KCNQ5: variants seen among roughly 807,000 people sequenced by gnomAD.
The protein encoded by KCNQ5 is potassium voltage-gated channel subfamily KQT member 5.
In KCNQ5, 30 loss-of-function variants were observed where a neutral mutation model predicts 98.2. The observed-to-expected ratio is 0.31, with a 90% CI of 0.23 to 0.41. The LOEUF (loss-of-function observed/expected upper bound fraction) is 0.41. KCNQ5 is among the 10% of genes least tolerant of loss of function. KCNQ5 has a pLI of 1.00. For synonymous variants in KCNQ5, 458 were observed against 449.4 expected, an observed-to-expected ratio of 1.02 and a Z score of -0.24; for missense variants, 835 against 1,182.5, an observed-to-expected ratio of 0.71 and a Z score of 4.31.
chr6:72,838,622 T>A (rs1776620919), intron 1 of KCNQ5, among the ~76,000 whole-genome samples: 1 of 152,108 alleles, frequency 6.6e-6, no homozygotes, highest in Non-Finnish European at 1.5e-5. Flanking sequence ...CTTATAAATG[T>A]TATTATATAT....
intron 2 of KCNQ5, among the ~76,000 whole-genome samples, chr6:73,034,839 CTTT>C (rs71669816): frequency 0.032 from 3,642 of 113,552 alleles, 138 homozygotes; most frequent in African/African-American, 0.11. Context: ...TGCCTCTTTT[CTTT>C]TTTTTTTTTT....
chr6:73,061,094 A>G (rs1582278582), intron 3 of KCNQ5, among the ~76,000 whole-genome samples: 1 of 152,210 alleles, frequency 6.6e-6, no homozygotes, highest in East Asian at 1.9e-4. Context: ...CTTTCTGCAC[A>G]GCTACAGAAG....
At chr6:72,715,758 A>G (rs1014264356) in intron 1 of KCNQ5, among the ~76,000 whole-genome samples, 1 of 152,236 alleles carries the variant, frequency 6.6e-6, no homozygotes, top group African/African-American at 2.4e-5. Context: ...TGATAATTAG[A>G]GAAATTCAAT....
chr6:73,102,558 T>C (rs1774829313), intron 5 of KCNQ5, among the ~76,000 whole-genome samples: 1 of 151,858 alleles, frequency 6.6e-6, no homozygotes, highest in Non-Finnish European at 1.5e-5. Context: ...AATAAAATAA[T>C]CCAATTTTAA....
intron 1 of KCNQ5, among the ~76,000 whole-genome samples, chr6:72,871,957 G>T (rs1040967454): frequency 6.6e-6 from 1 of 152,124 alleles, no homozygotes; most frequent in African/African-American, 2.4e-5. Flanking sequence ...CCTCTTCCAG[G>T]ATAGGAGGCT....
chr6:72,702,081 G>T (rs763252838), intron 1 of KCNQ5, among the ~76,000 whole-genome samples: 2 of 152,056 alleles, frequency 1.3e-5, no homozygotes, highest in Non-Finnish European at 2.9e-5. Context: ...TAGAGAGAAT[G>T]CTCAACTAAA....
intron 1 of KCNQ5, among the ~76,000 whole-genome samples, chr6:72,885,976 T>C (rs945840216): frequency 1.3e-5 from 2 of 152,100 alleles, no homozygotes; most frequent in Non-Finnish European, 2.9e-5. Context: ...ATCTGTGTGT[T>C]CCCCCAAACC....
chr6:72,674,241 C>T (rs1039481543), intron 1 of KCNQ5, among the ~76,000 whole-genome samples: 1 of 151,006 alleles, frequency 6.6e-6, no homozygotes, highest in East Asian at 1.9e-4. Flanking sequence ...GAAATTATTT[C>T]CCATTTTTCC....
chr6:72,662,733 G>A (rs1678810727), intron 1 of KCNQ5, among the ~76,000 whole-genome samples: 1 of 152,132 alleles, frequency 6.6e-6, no homozygotes, highest in African/African-American at 2.4e-5. Context: ...TTAGGAGATT[G>A]CTTTGTTGTG....
At chr6:72,865,345 C>A (rs925672015) in intron 1 of KCNQ5, among the ~76,000 whole-genome samples, 1 of 152,108 alleles carries the variant, frequency 6.6e-6, no homozygotes, top group African/African-American at 2.4e-5. Flanking sequence ...GCAGTCTGGG[C>A]CAAAATACAG....
At chr6:72,732,735 T>C (rs964226577) in intron 1 of KCNQ5, among the ~76,000 whole-genome samples, 4 of 152,100 alleles carry the variant, frequency 2.6e-5, no homozygotes, top group Non-Finnish European at 5.9e-5. Context: ...ACAGTGAGAA[T>C]GGGTTGGAGG....
chr6:72,667,165 T>C (rs1766865178), intron 1 of KCNQ5, among the ~76,000 whole-genome samples: 1 of 152,206 alleles, frequency 6.6e-6, no homozygotes. Context: ...TTCAGTTGCC[T>C]TTACAACAAA....
chr6:72,853,335 T>A (rs1040082492), intron 1 of KCNQ5, among the ~76,000 whole-genome samples: 1 of 152,134 alleles, frequency 6.6e-6, no homozygotes, highest in African/African-American at 2.4e-5. Flanking sequence ...ATACTGAACA[T>A]TTCTTTCCTT....
chr6:73,044,921 A>C (rs926905605), intron 3 of KCNQ5, among the ~76,000 whole-genome samples: 1 of 152,218 alleles, frequency 6.6e-6, no homozygotes, highest in Non-Finnish European at 1.5e-5. Context: ...ATTCGAGAAA[A>C]GAACATAGAA....
chr6:72,831,695 T>C (rs1463760361), intron 1 of KCNQ5, among the ~76,000 whole-genome samples: 2 of 151,120 alleles, frequency 1.3e-5, no homozygotes, highest in Non-Finnish European at 2.9e-5. Context: ...AACCTGCACA[T>C]TGTGCACATG....
chr6:73,111,757 G>A (rs1352859448), intron 7 of KCNQ5, among the ~76,000 whole-genome samples: 1 of 152,188 alleles, frequency 6.6e-6, no homozygotes, highest in East Asian at 1.9e-4. Context: ...GAGCAGAACA[G>A]GGCATTGTTC....
At chr6:72,872,029 T>C (rs368678939) in intron 1 of KCNQ5, among the ~76,000 whole-genome samples, 9 of 152,098 alleles carry the variant, frequency 5.9e-5, no homozygotes, top group Non-Finnish European at 8.8e-5. Flanking sequence ...TAAACAAACC[T>C]AGGTGTCCAG....
intron 1 of KCNQ5, among the ~76,000 whole-genome samples, chr6:72,870,267 TTTTTGTTTTG>T (rs755429150): frequency 6.6e-6 from 1 of 152,020 alleles, no homozygotes; most frequent in Non-Finnish European, 1.5e-5. Context: ...TCTTTTGGGT[TTTTTGTTTTG>T]TTTTGTTTTG....
chr6:72,626,330 G>A (rs1045210899), intron 1 of KCNQ5, among the ~76,000 whole-genome samples: 1 of 152,236 alleles, frequency 6.6e-6, no homozygotes, highest in African/African-American at 2.4e-5. Flanking sequence ...GGCATAGCAG[G>A]AGGGAATGAA....
Sources: gnomAD v4.1 joint callset for allele counts (sites outside exome capture counted in the v4.1 genomes callset) on GRCh38, gnomAD v4.1.1 for gene constraint, MANE v1.5 for transcripts, NCBI Gene and HGNC (gene_info 2026-07-23, HGNC 2026-07-21) for gene names.